PARD3B: variants seen among roughly 807,000 people sequenced by gnomAD.
The protein encoded by PARD3B is partitioning defective 3 homolog B.
Under a neutral mutation model 130.2 loss-of-function variants are expected in PARD3B, and 103 were observed. That is an observed-to-expected ratio of 0.79 (90% CI 0.67 to 0.93). PARD3B has a LOEUF of 0.93. Ranked by LOEUF, PARD3B falls within the 40% of genes least tolerant of loss-of-function variation. The pLI, the probability that PARD3B is intolerant of heterozygous loss-of-function variation, is 0.00. For synonymous variants in PARD3B, 583 were observed against 553.2 expected (o/e 1.05, Z -0.76); for missense variants, 1,609 against 1,499.2 (o/e 1.07, Z -1.21).
chr2:205,057,822 C>G (rs1406254647), intron 4 of PARD3B, among the ~76,000 whole-genome samples: 3 of 150,408 alleles, frequency 2.0e-5, no homozygotes, highest in African/African-American at 7.3e-5. Context: ...GCCTTGAAAC[C>G]CTTGATCATT....
intron 16 of PARD3B, among the ~76,000 whole-genome samples, chr2:205,249,358 A>G (rs2039736760): frequency 6.6e-6 from 1 of 152,052 alleles, no homozygotes; most frequent in Non-Finnish European, 1.5e-5. Flanking sequence ...CAACATTTTA[A>G]TAAATTCATC....
chr2:204,838,569 G>A (rs2044144902), intron 2 of PARD3B, among the ~76,000 whole-genome samples: 1 of 152,090 alleles, frequency 6.6e-6, no homozygotes, highest in South Asian at 2.1e-4. Flanking sequence ...GAGGATGGAA[G>A]GGTATGCTGT....
chr2:204,636,635 G>A (rs542539277), intron 1 of PARD3B, among the ~76,000 whole-genome samples: 2 of 152,122 alleles, frequency 1.3e-5, no homozygotes, highest in Non-Finnish European at 2.9e-5. Context: ...CAGGAGAACT[G>A]TTTTAGTTAC....
intron 18 of PARD3B, among the ~76,000 whole-genome samples, chr2:205,304,804 G>A (rs2042133417): frequency 6.6e-6 from 1 of 152,214 alleles, no homozygotes; most frequent in African/African-American, 2.4e-5. Context: ...AATTAGCTGG[G>A]CATGGTGGCA....
chr2:205,502,421 C>T (rs2050190976), intron 21 of PARD3B, among the ~76,000 whole-genome samples: 1 of 152,250 alleles, frequency 6.6e-6, no homozygotes, highest in Non-Finnish European at 1.5e-5. Flanking sequence ...GGATGCGCCA[C>T]GTGGTCATCA....
rs1342957276 is a variant in PARD3B at position 204,610,350 on chromosome 2, C to A, written c.120+64231C>A. Among the ~76,000 whole-genome samples the A allele has an allele frequency of 1.3e-5, 2 of 152,174 alleles. No homozygotes were observed. Among genetic ancestry groups the A allele is most frequent in the Non-Finnish European group, 2.9e-5 (2 of 68,026 alleles). On this transcript the variant is annotated intron_variant, in intron 1 of 22. Transcript: ENST00000406610. This position sits in a 1 kb window ranked among gnomAD's most constrained non-coding sequence, Gnocchi z 4.1. The stretch of plus-strand genomic sequence containing the variant: ...TGTTAAGTAGTCTATCGGCATTATT[C>A]TGACTTATTGTTCCCTTGTCCTTTT...
At chr2:204,702,235 T>C (rs1159755606) in intron 2 of PARD3B, among the ~76,000 whole-genome samples, 1 of 152,038 alleles carries the variant, frequency 6.6e-6, no homozygotes, top group Non-Finnish European at 1.5e-5. Flanking sequence ...TGGTAGAGGA[T>C]TTGTTTTCTT....
intron 15 of PARD3B, among the ~76,000 whole-genome samples, chr2:205,240,397 A>G (rs2039299797): frequency 6.6e-6 from 1 of 152,182 alleles, no homozygotes; most frequent in South Asian, 2.1e-4. Context: ...CCAAACATCA[A>G]CTTCAAAATT....
Position 205,164,404 on chromosome 2 carries a change from A to G in PARD3B, c.1620+5497A>G, listed in dbSNP as rs553663010. On this transcript the variant is annotated intron_variant, in intron 11 of 22. Coordinates refer to ENST00000406610, the MANE Select transcript of PARD3B (RefSeq NM_001302769.2). ...CAGGAGTTCCAGACTGTAATGCAGT[A>G]TAATCGTGCCTGTGAATAGTCACTG... 5.3e-5 allele frequency among the ~76,000 whole-genome samples: 8 copies of G among 152,318 alleles called. No individual in the cohort carries two copies. In the East Asian group the frequency reaches 1.4e-3, roughly 26 times the overall value.
intron 1 of PARD3B, among the ~76,000 whole-genome samples, chr2:204,652,036 G>A (rs1044357462): frequency 6.6e-6 from 1 of 152,144 alleles, no homozygotes; most frequent in Non-Finnish European, 1.5e-5. Flanking sequence ...TCCCTCCTAG[G>A]CCTCAGGACC....
intron 2 of PARD3B, among the ~76,000 whole-genome samples, chr2:204,831,773 C>T (rs978827374): frequency 6.6e-6 from 1 of 152,062 alleles, no homozygotes; most frequent in African/African-American, 2.4e-5. Flanking sequence ...GGGACTATTG[C>T]AAACAACAGG....
intron 1 of PARD3B, among the ~76,000 whole-genome samples, chr2:204,671,353 G>C (rs2036288337): frequency 1.3e-5 from 2 of 152,142 alleles, no homozygotes; most frequent in South Asian, 4.1e-4. Flanking sequence ...GAGTGAGATG[G>C]TGGGGGGCAC....
At chr2:205,574,846 A>G (rs1237490200) in intron 22 of PARD3B, among the ~76,000 whole-genome samples, 3 of 126,610 alleles carry the variant, frequency 2.4e-5, no homozygotes, top group African/African-American at 2.8e-5. Flanking sequence ...TGGGGAAGTC[A>G]CTGAGGAGTA....
intron 1 of PARD3B, among the ~76,000 whole-genome samples, chr2:204,617,996 T>A (rs2034172346): frequency 6.6e-6 from 1 of 152,200 alleles, no homozygotes; most frequent in Admixed American, 6.5e-5. Flanking sequence ...AATAGTGCTA[T>A]GATGAACATA....
intron 18 of PARD3B, among the ~76,000 whole-genome samples, chr2:205,331,290 C>CACACACAT (rs1553676419): frequency 2.2e-4 from 32 of 148,432 alleles, no homozygotes; most frequent in African/African-American, 7.0e-4. Context: ...CACACACACA[C>CACACACAT]GTACACATAC....
chr2:205,442,138 AG>A (rs1354284451), intron 20 of PARD3B, among the ~76,000 whole-genome samples: 1 of 152,132 alleles, frequency 6.6e-6, no homozygotes, highest in African/African-American at 2.4e-5. Flanking sequence ...CCCAACACAG[AG>A]GGACTGTTTA....
chr2:205,039,324 C>G (rs766188838), intron 3 of PARD3B, among the ~76,000 whole-genome samples: 1 of 152,114 alleles, frequency 6.6e-6, no homozygotes, highest in Non-Finnish European at 1.5e-5. Context: ...GATGCCTTGA[C>G]TAGTGAGACA....
chr2:205,272,595 T>C (rs1403122989), intron 16 of PARD3B, among the ~76,000 whole-genome samples: 5 of 152,058 alleles, frequency 3.3e-5, no homozygotes, highest in Non-Finnish European at 5.9e-5. Flanking sequence ...CAGGCTAGGG[T>C]TGGTACAGTT....
intron 2 of PARD3B, among the ~76,000 whole-genome samples, chr2:204,735,751 GT>G (rs776616813): frequency 6.6e-6 from 1 of 152,092 alleles, no homozygotes; most frequent in Non-Finnish European, 1.5e-5. Flanking sequence ...TGGCATTTTG[GT>G]TTTGACGAGA....
Sources: gnomAD v4.1 joint callset for allele counts (sites outside exome capture counted in the v4.1 genomes callset) on GRCh38, gnomAD v4.1.1 for gene constraint, Gnocchi (gnomAD v3.1) non-coding constraint, MANE v1.5 for transcripts, NCBI Gene and HGNC (gene_info 2026-07-23, HGNC 2026-07-21) for gene names.